Variants in ZDHHC15 observed in about 807,000 individuals in gnomAD.
ZDHHC15 encodes palmitoyltransferase ZDHHC15.
In ZDHHC15, 19 loss-of-function variants were observed where a neutral mutation model predicts 31.7. The ratio of observed to expected loss-of-function variants is 0.60; its 90% confidence interval spans 0.42 to 0.88. The LOEUF (loss-of-function observed/expected upper bound fraction) is 0.88. ZDHHC15 is among the 40% of genes least tolerant of loss of function. The pLI, the probability that ZDHHC15 is intolerant of heterozygous loss-of-function variation, is 0.00. For missense variants in ZDHHC15, 209 were observed against 251.2 expected (o/e 0.83, Z 1.14); for synonymous variants, 103 against 90.0 (o/e 1.14, Z -0.82).
In ZDHHC15 at chrX:75,429,199, CTA is replaced by C; in HGVS notation, c.483-3_483-2del. The C allele has an allele frequency of 8.4e-7, 1 of 1,191,579 alleles. No homozygotes were observed. The highest frequency in any genetic ancestry group is 1.1e-6 in the Non-Finnish European group (1 of 888,995). On this transcript the variant is annotated splice_acceptor_variant and splice_polypyrimidine_tract_variant and intron_variant, in intron 6 of 11. Transcript: ENST00000373367. LOFTEE classifies it high-confidence loss of function. ...GGAAAATCCAATGCAGTTATTAACCCTAAAAAAAAAGAAAAACTAATTTGACA... is the reference window on the plus strand; with the variant it reads ...GGAAAATCCAATGCAGTTATTAACCCAAAAAAAAGAAAAACTAATTTGACA...
intron 10 of ZDHHC15, among the ~76,000 whole-genome samples, chrX:75,401,272 A>G (rs1017926495): frequency 2.7e-5 from 3 of 111,473 alleles, no homozygotes; most frequent in African/African-American, 6.5e-5. Context: ...AAAAAAAGAA[A>G]AGAAAAAAGA....
rs367833145 is a variant in ZDHHC15, at chrX:75,429,063, A to G, written c.603+15T>C. On this transcript the variant is annotated intron_variant, in intron 7 of 11. Coordinates refer to ENST00000373367, the MANE Select transcript of ZDHHC15 (RefSeq NM_144969.3). ...CATTTGTTCTAGGGGACCCTTCAGGATATTTTTAACTTACTCTCCAGTATT... is the reference window on the plus strand; with the variant it reads ...CATTTGTTCTAGGGGACCCTTCAGGGTATTTTTAACTTACTCTCCAGTATT... The G allele has an allele frequency of 1.6e-5, 19 of 1,205,680 alleles. No homozygotes were observed. In the African/African-American group the frequency reaches 3.0e-4, roughly 19 times the overall value.
intron 8 of ZDHHC15, among the ~76,000 whole-genome samples, chrX:75,422,918 T>C (rs1210404463): frequency 1.0e-4 from 11 of 106,381 alleles, no homozygotes; most frequent in Admixed American, 4.0e-4. Flanking sequence ...ACTTGTCATC[T>C]AGCATTAGGT....
intron 1 of ZDHHC15, among the ~76,000 whole-genome samples, chrX:75,515,059 G>T (rs1187522139): frequency 9.0e-6 from 1 of 111,067 alleles, no homozygotes; most frequent in Non-Finnish European, 1.9e-5. Flanking sequence ...CCAATAACAG[G>T]CTCTGAAATT....
chrX:75,415,539 G>T (rs2083539856), intron 10 of ZDHHC15, among the ~76,000 whole-genome samples: 1 of 112,084 alleles, frequency 8.9e-6, no homozygotes, highest in Non-Finnish European at 1.9e-5. Flanking sequence ...CCAAAGGAGA[G>T]ACCTAGCATT....
intron 2 of ZDHHC15, among the ~76,000 whole-genome samples, chrX:75,480,317 C>A (rs1255943712): frequency 9.0e-6 from 1 of 111,242 alleles, no homozygotes; most frequent in African/African-American, 3.3e-5. Flanking sequence ...TCTCACCTCC[C>A]CATTCTAAGG....
intron 3 of ZDHHC15, among the ~76,000 whole-genome samples, chrX:75,464,224 G>A (rs1465938639): frequency 9.0e-6 from 1 of 110,795 alleles, no homozygotes; most frequent in Non-Finnish European, 1.9e-5. Flanking sequence ...TCATAGGTGG[G>A]AATTGAACAA....
chrX:75,379,219 G>A (rs1218660081), intron 10 of ZDHHC15, 21 bp from the exon 11 acceptor site: 1 of 1,209,738 alleles, frequency 8.3e-7, no homozygotes, highest in Non-Finnish European at 1.1e-6. Context: ...GAAACGTGAA[G>A]ATGATCAAAT....
chrX:75,381,012 A>G (rs1206887407), intron 10 of ZDHHC15, among the ~76,000 whole-genome samples: 1 of 111,627 alleles, frequency 9.0e-6, no homozygotes, highest in Admixed American at 9.5e-5. Flanking sequence ...ATTGGGAAGA[A>G]CAGAGCAAAT....
At chrX:75,469,562 G>T (rs1332384228) in intron 3 of ZDHHC15, among the ~76,000 whole-genome samples, 2 of 111,943 alleles carry the variant, frequency 1.8e-5, no homozygotes, top group Admixed American at 1.9e-4. Context: ...GCATGTGTCA[G>T]AATTTCCCTC....
intron 11 of ZDHHC15, among the ~76,000 whole-genome samples, chrX:75,376,558 C>T (rs1374061936): frequency 1.8e-5 from 2 of 110,931 alleles, no homozygotes; most frequent in African/African-American, 6.5e-5. Context: ...GTCTTTAATC[C>T]ATCTTGAGTT....
intron 1 of ZDHHC15, among the ~76,000 whole-genome samples, chrX:75,522,117 C>T (rs1324488564): frequency 9.0e-6 from 1 of 110,918 alleles, no homozygotes; most frequent in African/African-American, 3.3e-5. Context: ...CTGGAGGGAA[C>T]TCCAGTATAA....
At chrX:75,421,047 A>G (rs968159924) in intron 9 of ZDHHC15, among the ~76,000 whole-genome samples, 1 of 109,437 alleles carries the variant, frequency 9.1e-6, no homozygotes, top group Admixed American at 1.0e-4. Flanking sequence ...CAAAATATAT[A>G]AAATGGAGAA....
chrX:75,507,091 T>C (rs2085179318), intron 1 of ZDHHC15, among the ~76,000 whole-genome samples: 1 of 111,328 alleles, frequency 9.0e-6, no homozygotes, highest in Admixed American at 9.6e-5. Flanking sequence ...TAAGTGCAAA[T>C]GGGATTGGTT....
chrX:75,494,711 G>A (rs2084961103), intron 2 of ZDHHC15, among the ~76,000 whole-genome samples: 1 of 112,269 alleles, frequency 8.9e-6, no homozygotes. Context: ...AAATGGTGCT[G>A]GGAAAACTGG....
At chrX:75,389,016 T>C (rs1465918767) in intron 10 of ZDHHC15, among the ~76,000 whole-genome samples, 2 of 111,747 alleles carry the variant, frequency 1.8e-5, no homozygotes, top group Non-Finnish European at 3.8e-5. Context: ...TAGCAGTGGT[T>C]GCATGGTATG....
chrX:75,420,434 A>G (rs1372846543), intron 9 of ZDHHC15, among the ~76,000 whole-genome samples: 1 of 111,497 alleles, frequency 9.0e-6, no homozygotes, highest in African/African-American at 3.3e-5. Context: ...ATACCATTTG[A>G]CCCAGCCATC....
intron 2 of ZDHHC15, among the ~76,000 whole-genome samples, chrX:75,483,536 C>A (rs923920349): frequency 1.8e-5 from 2 of 110,867 alleles, no homozygotes; most frequent in Non-Finnish European, 3.8e-5. Flanking sequence ...CACTGCATTT[C>A]AGCCTGGGTG....
chrX:75,413,181 A>C (rs754423747), intron 10 of ZDHHC15, among the ~76,000 whole-genome samples: 1 of 112,450 alleles, frequency 8.9e-6, no homozygotes, highest in East Asian at 2.8e-4. Flanking sequence ...AATTTTTACA[A>C]TGAAAGAAAA....
Sources: allele counts gnomAD v4.1 joint callset (sites outside exome capture counted in the v4.1 genomes callset), GRCh38; gene constraint gnomAD v4.1.1; transcripts MANE v1.5; gene names NCBI Gene and HGNC (gene_info 2026-07-23, HGNC 2026-07-21).